The following PCDHA6 variants were observed in gnomAD, a reference collection of about 807,000 sequenced individuals.
PCDHA6 encodes the protein protocadherin alpha 6.
Under a neutral mutation model 60.3 loss-of-function variants are expected in PCDHA6, and 55 were observed. The ratio of observed to expected loss-of-function variants is 0.91; its 90% CI spans 0.73 to 1.14. The LOEUF is 1.14. Ranked by LOEUF, PCDHA6 falls within the 50% of genes most tolerant of loss-of-function variation. The pLI, the probability that PCDHA6 is intolerant of heterozygous loss-of-function variation, is 0.00. For missense variants in PCDHA6, 1,327 were observed against 1,256.5 expected, an observed-to-expected ratio of 1.06 and a Z score of -0.85; for synonymous variants, 652 against 557.9, an observed-to-expected ratio of 1.17 and a Z score of -2.38.
At position 140,969,258 on chromosome 5, in the gene PCDHA6, A is replaced by T. The variant is rs782513796; in HGVS notation, c.2395-9691A>T. ...CAAGCAGCAGTGACTGACAGCAGGA[A>T]TCTCACAGGCCAAAGTGGTCAGAAT... On this transcript the variant is annotated intron_variant, in intron 1 of 3. Transcript: ENST00000529310. The T allele has an allele frequency of 3.7e-6, 6 of 1,614,106 alleles. No homozygotes were observed. The East Asian group carries it at 1.3e-4, about 36-fold the overall frequency.
intron 1 of PCDHA6, among the ~76,000 whole-genome samples, chr5:140,942,586 A>C (rs559683622): frequency 1.3e-5 from 2 of 150,518 alleles, no homozygotes; most frequent in African/African-American, 4.9e-5. Context: ...ATAGGATGTC[A>C]CATATAATTA....
chr5:140,842,896 C>G, intron 1 of PCDHA6: 1 of 1,594,370 alleles, frequency 6.3e-7, no homozygotes, highest in Non-Finnish European at 8.6e-7. Context: ...CGCTGGACCA[C>G]GAGGAGCTAG....
At chr5:140,891,838 A>G (rs1479578181) in intron 1 of PCDHA6, among the ~76,000 whole-genome samples, 1 of 152,164 alleles carries the variant, frequency 6.6e-6, no homozygotes, top group African/African-American at 2.4e-5. Context: ...AAAGGACTTG[A>G]TGGAAGGAGC....
intron 1 of PCDHA6, 52 bp from the exon 2 acceptor site, chr5:140,978,897 G>T: frequency 6.2e-7 from 1 of 1,612,776 alleles, no homozygotes; most frequent in Non-Finnish European, 8.5e-7. Context: ...AGCATTCCTG[G>T]GAGAACATTG....
In PCDHA6 at chr5:140,829,537, G is replaced by A. The variant is rs782695954; in HGVS notation, c.1446G>A (p.Ala482=). 1 of 1,613,080 alleles carries A rather than the reference G, an allele frequency of 6.2e-7. No individual in the cohort carries two copies. The highest frequency in any genetic ancestry group is 8.5e-7 in the Non-Finnish European group (1 of 1,179,866). ...TCTTCACGGTGTCTGCGCGAGACGC[G>A]GACGCGCAGGAGAACGCGCTGGTGT... ...CHIFTVSARD[A]DAQENALVSY... is the part of the protein sequence containing the mutation. The change falls in exon 1 of 4, where the codon GCG becomes GCA. Residue 482 remains alanine, a synonymous_variant. Transcript: ENST00000529310.
At chr5:140,882,318 G>T (rs534213144) in intron 1 of PCDHA6, 1 of 1,614,128 alleles carries the variant, frequency 6.2e-7, no homozygotes, top group African/African-American at 1.3e-5. Flanking sequence ...CTACTGCTCT[G>T]GCTTCTGATC....
At chr5:140,969,957 G>A (rs1554232176) in intron 1 of PCDHA6, among the ~76,000 whole-genome samples, 1 of 152,178 alleles carries the variant, frequency 6.6e-6, no homozygotes, top group East Asian at 1.9e-4. Flanking sequence ...AGTTTGCTTT[G>A]GCTGTATGAT....
At chr5:140,882,684 G>A (rs781811851) in intron 1 of PCDHA6, 3 of 1,614,172 alleles carry the variant, frequency 1.9e-6, no homozygotes, top group South Asian at 1.1e-5. Context: ...AGCAAGAAAC[G>A]AATAATCATT....
In PCDHA6 at chr5:140,953,934, C is replaced by T. The variant is rs2094953906; in HGVS notation, c.2395-25015C>T. 2.6e-5 allele frequency among the ~76,000 whole-genome samples: 4 copies of T among 152,200 alleles called. No homozygotes were observed. The South Asian group carries it at 8.3e-4, about 32-fold the overall frequency. On this transcript the variant is annotated intron_variant, in intron 1 of 3. Transcript: ENST00000529310. ...TTAGGTATTCTTCCTGATGCTCTCC[C>T]TCCCATTGCTCCCCCAACAGGCCCC...
chr5:140,828,988 G>A lies in PCDHA6; in HGVS notation c.897G>A (p.Thr299=), dbSNP rs2150161679. ...ACCACTTTAGCATAGATCGAAATAC[G>A]GGAGAAATAGTGATTCGGGGTAATT... The part of the protein sequence containing the change: ...VIDHFSIDRN[T]GEIVIRGNLD... The change falls in exon 1 of 4, where the codon ACG becomes ACA. Residue 299 remains threonine (T), a synonymous_variant. Coordinates refer to ENST00000529310, the MANE Select transcript of PCDHA6 (RefSeq NM_018909.4). 3.7e-6 allele frequency: 6 copies of A among 1,613,982 alleles called. No individual in the cohort carries two copies. Among genetic ancestry groups the A allele is most frequent in the Non-Finnish European group, 5.1e-6 (6 of 1,179,912 alleles).
chr5:140,953,187 T>A (rs2094856489), intron 1 of PCDHA6, among the ~76,000 whole-genome samples: 1 of 152,148 alleles, frequency 6.6e-6, no homozygotes, highest in South Asian at 2.1e-4. Flanking sequence ...AGAATAAACT[T>A]GATTAGACTA....
intron 1 of PCDHA6, chr5:140,843,672 A>G: frequency 6.3e-7 from 1 of 1,592,800 alleles, no homozygotes; most frequent in Non-Finnish European, 8.6e-7. Context: ...GGATCAGTTG[A>G]TGTAGGCGAA....
intron 1 of PCDHA6, chr5:140,863,693 C>T: frequency 3.3e-6 from 1 of 301,562 alleles, no homozygotes; most frequent in African/African-American, 2.2e-5. Flanking sequence ...TTTTGAGATG[C>T]TTTATTTAAA....
chr5:140,834,170 A>T (rs1010045259), intron 1 of PCDHA6: 13 of 553,312 alleles, frequency 2.3e-5, no homozygotes, highest in Admixed American at 1.0e-4. Flanking sequence ...TCTTACTTAC[A>T]TGATGGCCAC....
Position 140,842,785 on chromosome 5 carries a change from G to C in PCDHA6, c.2394+12300G>C, listed in dbSNP as rs2150344223. On this transcript the variant is annotated intron_variant, in intron 1 of 3. Coordinates refer to ENST00000529310, the MANE Select transcript of PCDHA6 (RefSeq NM_018909.4). ...GAGACGCGGACGCGCAGGAGAACGC[G>C]CTGGTGTCCTACTCGCTTGTGGAGC... 6.5e-5 allele frequency: 103 copies of C among 1,594,472 alleles called. 8 individuals carry two copies. Among genetic ancestry groups the C allele is most frequent in the South Asian group, 4.4e-4 (40 of 90,456 alleles).
Position 141,009,900 on chromosome 5 carries a change from A to G in PCDHA6, c.2816A>G (p.Glu939Gly). The G allele has an allele frequency of 6.2e-7, 1 of 1,613,166 alleles. No individual in the cohort carries two copies. The highest frequency in any genetic ancestry group is 8.5e-7 in the Non-Finnish European group (1 of 1,179,840). Residue 939 changes from glutamate (E) to glycine (G), a missense_variant, in exon 4 of 4, where the codon GAG becomes GGG. Physicochemically the swap from Glu to Gly is moderately conservative, Grantham distance 98. Coordinates refer to ENST00000529310, the MANE Select transcript of PCDHA6 (RefSeq NM_018909.4). Reference sequence around the variant, plus strand: ...GGTAACAAGACCCAGGAGAAAAAAGAGAAAGGGAACAGCACGACTGACAAC... The same window carrying G: ...GGTAACAAGACCCAGGAGAAAAAAGGGAAAGGGAACAGCACGACTGACAAC... ...KKGNKTQEKK[E>G]KGNSTTDNSD...
chr5:140,875,696 T>C (rs2055720575), intron 1 of PCDHA6: 1 of 1,613,958 alleles, frequency 6.2e-7, no homozygotes, highest in Non-Finnish European at 8.5e-7. Flanking sequence ...GGGGACCTTC[T>C]GGAGGTAAAT....
intron 1 of PCDHA6, chr5:140,834,610 A>C: frequency 5.0e-6 from 8 of 1,614,064 alleles, no homozygotes; most frequent in Non-Finnish European, 6.8e-6. Context: ...GATCTTCTGG[A>C]GGTAAATCTG....
At chr5:140,926,654 C>G (rs2083445492) in intron 1 of PCDHA6, 1 of 514,022 alleles carries the variant, frequency 1.9e-6, no homozygotes, top group Non-Finnish European at 3.1e-6. Flanking sequence ...GCCGGCTCCG[C>G]TTTCCCAGAC....
Sources: allele counts gnomAD v4.1 joint callset (sites outside exome capture counted in the v4.1 genomes callset), GRCh38; gene constraint gnomAD v4.1.1; transcripts MANE v1.5; gene names NCBI Gene and HGNC (gene_info 2026-07-23, HGNC 2026-07-21).